Variants in EFCAB13 observed in about 807,000 individuals in gnomAD.
EFCAB13 encodes EF-hand calcium-binding domain-containing protein 13.
In EFCAB13, 91 loss-of-function variants were observed where a neutral mutation model predicts 110.2. The observed-to-expected ratio is 0.83, with a 90% CI of 0.70 to 0.98. The LOEUF is 0.98. EFCAB13 is among the 50% of genes least tolerant of loss of function. The pLI, the probability that EFCAB13 is intolerant of heterozygous loss-of-function variation, is 0.00. For missense variants in EFCAB13, 968 were observed against 1,119.4 expected, an observed-to-expected ratio of 0.86 and a Z score of 1.93; for synonymous variants, 323 against 369.9, an observed-to-expected ratio of 0.87 and a Z score of 1.45.
At chr17:47,351,721 CCTATT>C (rs371441794) in intron 9 of EFCAB13, among the ~76,000 whole-genome samples, 273 of 152,100 alleles carry the variant, frequency 1.8e-3, no homozygotes, top group African/African-American at 6.0e-3. Context: ...AATATTTTCT[CCTATT>C]CTTCAAGTTG....
chr17:47,417,400 T>C (rs1904485575), intron 23 of EFCAB13, among the ~76,000 whole-genome samples: 1 of 152,254 alleles, frequency 6.6e-6, no homozygotes, highest in Non-Finnish European at 1.5e-5. Flanking sequence ...ATGATACCAA[T>C]CTTTCACTGT....
intron 11 of EFCAB13, 91 bp from the exon 12 acceptor site, chr17:47,374,381 G>T (rs1476001677): frequency 3.6e-6 from 4 of 1,113,168 alleles, no homozygotes; most frequent in Admixed American, 2.9e-5. Flanking sequence ...ATAATTTCTT[G>T]AATAGTTTTC....
Position 47,414,854 on chromosome 17 carries a change from T to G in EFCAB13, c.2429T>G (p.Met810Arg), listed in dbSNP as rs899688139. 2.5e-6 allele frequency: 4 copies of G among 1,602,660 alleles called. No individual in the cohort carries two copies. The highest frequency in any genetic ancestry group is 3.4e-6 in the Non-Finnish European group (4 of 1,172,010). Residue 810 changes from methionine to arginine, a missense_variant, in exon 23 of 25, where the codon ATG becomes AGG. Transcript: ENST00000331493. ...ALNCCNVSDN[M>R]EVDLKDFLMK... Reference sequence around the variant, plus strand: ...TTTTACTTTGACCTTCCAGATAATATGGAGGTGGATTTAAAAGATTTCTTA... The same window carrying G: ...TTTTACTTTGACCTTCCAGATAATAGGGAGGTGGATTTAAAAGATTTCTTA...
At chr17:47,436,002 TG>T (rs971409441) in intron 24 of EFCAB13, among the ~76,000 whole-genome samples, 15 of 152,192 alleles carry the variant, frequency 9.9e-5, no homozygotes, top group African/African-American at 3.6e-4. Flanking sequence ...AAAGAGATGC[TG>T]GATTTGTCAA....
chr17:47,428,086 T>C (rs531819281), intron 23 of EFCAB13, among the ~76,000 whole-genome samples: 16 of 152,180 alleles, frequency 1.1e-4, no homozygotes, highest in South Asian at 2.1e-4. Context: ...ACTTTAAACA[T>C]TTCTGACACA....
chr17:47,371,640 G>A (rs933605499), intron 11 of EFCAB13, among the ~76,000 whole-genome samples: 1 of 152,034 alleles, frequency 6.6e-6, no homozygotes, highest in African/African-American at 2.4e-5. Context: ...TTGAGACAGA[G>A]TCACGCTCTG....
intron 9 of EFCAB13, among the ~76,000 whole-genome samples, chr17:47,355,998 T>G (rs2065478810): frequency 6.6e-6 from 1 of 152,192 alleles, no homozygotes; most frequent in Admixed American, 6.5e-5. Flanking sequence ...ACTGAGACTT[T>G]CCAGCACATT....
chr17:47,432,399 A>AAAT (rs1905133812), intron 24 of EFCAB13, among the ~76,000 whole-genome samples: 1 of 138,460 alleles, frequency 7.2e-6, no homozygotes, highest in African/African-American at 2.8e-5. Flanking sequence ...ATCCATCTCA[A>AAAT]AAATAAATAA....
intron 17 of EFCAB13, among the ~76,000 whole-genome samples, chr17:47,396,935 C>T (rs1230367863): frequency 6.6e-6 from 1 of 152,024 alleles, no homozygotes; most frequent in African/African-American, 2.4e-5. Flanking sequence ...GCAACATGTA[C>T]CACAGAAAGT....
At chr17:47,440,325 C>T in intron 24 of EFCAB13, 106 bp from the exon 25 acceptor site, 1 of 1,181,716 alleles carries the variant, frequency 8.5e-7, no homozygotes. Context: ...CAGCCTTACT[C>T]TCAAGCTTTT....
chr17:47,342,394 A>G (rs2065390912), intron 6 of EFCAB13, among the ~76,000 whole-genome samples: 1 of 152,138 alleles, frequency 6.6e-6, no homozygotes, highest in South Asian at 2.1e-4. Flanking sequence ...GAGTCTTCAC[A>G]TGGCCTCTTT....
rs540305595 is a variant in EFCAB13 at position 47,344,614 on chromosome 17, T to C, written c.434+322T>C. Among the ~76,000 whole-genome samples the C allele has an allele frequency of 4.6e-5, 7 of 152,282 alleles. No homozygotes were observed. The East Asian group carries it at 7.7e-4, about 17-fold the overall frequency. Reference sequence around the variant, plus strand: ...TATGATTTCAGCAATTTACATGTTATAGTATTAGATAAATCATCTTTTCCA... The same window carrying C: ...TATGATTTCAGCAATTTACATGTTACAGTATTAGATAAATCATCTTTTCCA... On this transcript the variant is annotated intron_variant, in intron 7 of 24. Transcript: ENST00000331493.
At position 47,352,011 on chromosome 17, in the gene EFCAB13, C is replaced by T. The variant is rs544826865; in HGVS notation, c.661+4060C>T. On this transcript the variant is annotated intron_variant, in intron 9 of 24. Transcript: ENST00000331493. ...CTGCCTCCTGGGTTCACACCATTCTCCTGCCTCAGCCTCCCATGTAGCTGG... is the reference window on the plus strand; with the variant it reads ...CTGCCTCCTGGGTTCACACCATTCTTCTGCCTCAGCCTCCCATGTAGCTGG... 1.7e-3 allele frequency among the ~76,000 whole-genome samples: 256 copies of T among 150,998 alleles called. 1 individual carries two copies. The highest frequency in any genetic ancestry group is 2.9e-3 in the Admixed American group (44 of 15,106).
At chr17:47,377,738 A>G in intron 12 of EFCAB13, 28 bp from the exon 13 acceptor site, 1 of 1,533,280 alleles carries the variant, frequency 6.5e-7, no homozygotes, top group African/African-American at 1.4e-5. Context: ...TCTGTTGCCT[A>G]ATAGTTCTCT....
In EFCAB13 at chr17:47,361,387, A is replaced by C. The variant is rs2065511765; in HGVS notation, c.671A>C (p.Asp224Ala). The C allele has an allele frequency of 6.2e-7, 1 of 1,612,836 alleles. No homozygotes were observed. The highest frequency in any genetic ancestry group is 1.7e-5 in the Admixed American group (1 of 59,922). ...AATTTCTTTTTTGCAGCATTCCAGG[A>C]TGCCTTGAAGATTTTCTGTAGGATA... The part of the protein sequence containing the change: ...LKTVDIDAFQ[D>A]ALKIFCRIKG... Residue 224 changes from aspartate (D) to alanine (A), a missense_variant, in exon 10 of 25, where the codon GAT becomes GCT. Transcript: ENST00000331493.
chr17:47,436,889 T>C (rs894021558), intron 24 of EFCAB13, among the ~76,000 whole-genome samples: 12 of 151,944 alleles, frequency 7.9e-5, no homozygotes, highest in African/African-American at 2.7e-4. Flanking sequence ...TTCAGTCTTT[T>C]TGATGTAGGC....
chr17:47,364,197 T>G (rs910046865), intron 10 of EFCAB13, among the ~76,000 whole-genome samples: 3 of 152,222 alleles, frequency 2.0e-5, no homozygotes, highest in Non-Finnish European at 2.9e-5. Context: ...CTGAGAGTCA[T>G]CCTTGGCAAC....
chr17:47,412,927 TTTTGG>T lies in EFCAB13; in HGVS notation c.2422+12_2422+16del. 3 of 1,600,176 alleles carry T rather than the reference TTTTGG, an allele frequency of 1.9e-6. No homozygotes were observed. Among genetic ancestry groups the T allele is most frequent in the Non-Finnish European group, 2.6e-6 (3 of 1,173,358 alleles). On this transcript the variant is annotated intron_variant, in intron 22 of 24. Coordinates refer to ENST00000331493, the MANE Select transcript of EFCAB13 (RefSeq NM_152347.5). ...GTTGTAACGTCAGTGGTGAGCATTT[TTTTGG>T]CCTGAGATTCTTTTCATTTTTTTTC...
intron 5 of EFCAB13, among the ~76,000 whole-genome samples, chr17:47,336,278 C>T (rs1376026521): frequency 4.7e-5 from 7 of 150,020 alleles, no homozygotes; most frequent in East Asian, 2.0e-4. Flanking sequence ...AGGCGTGCGC[C>T]GTCACACTCG....
Sources: gnomAD v4.1 joint callset for allele counts (sites outside exome capture counted in the v4.1 genomes callset) on GRCh38, gnomAD v4.1.1 for gene constraint, MANE v1.5 for transcripts, NCBI Gene and HGNC (gene_info 2026-07-23, HGNC 2026-07-21) for gene names.